The following MECR variants were observed in gnomAD, a reference collection of about 807,000 sequenced individuals.
MECR encodes the protein mitochondrial trans-2-enoyl-CoA reductase.
MECR carries 37 observed loss-of-function variants against 49.1 expected under a neutral mutation model. The ratio of observed to expected loss-of-function variants is 0.75; its 90% confidence interval spans 0.58 to 0.99. The LOEUF is 0.99. MECR is among the 50% of genes least tolerant of loss of function. The probability of loss-of-function intolerance (pLI) is 0.00; values close to 1 mark genes in which losing one functional copy is unlikely to be tolerated. For missense variants in MECR, 470 were observed against 479.6 expected, an observed-to-expected ratio of 0.98 and a Z score of 0.19; for synonymous variants, 198 against 191.1, an observed-to-expected ratio of 1.04 and a Z score of -0.30.
chr1:29,193,808 G>C lies in MECR; in HGVS notation c.*214C>G, dbSNP rs1673313995. ...AGTGTTGGTCCTTCTCGACAGGGAT[G>C]ACTTCTACTTTTTGGAAGGGAGAGT... On this transcript the variant is annotated 3_prime_UTR_variant, in exon 10 of 10. Transcript: ENST00000263702. 2 of 580,398 alleles carry C rather than the reference G, an allele frequency of 3.4e-6. No homozygotes were observed. Among genetic ancestry groups the C allele is most frequent in the Non-Finnish European group, 6.1e-6 (2 of 329,136 alleles). The allele number at this position is 580,398 out of a possible 1,614,324, so 36.0% of individuals were successfully genotyped here. A position where few individuals can be genotyped will look rare whatever the true frequency, so the allele number is the denominator to read the frequency against.
intron 3 of MECR, among the ~76,000 whole-genome samples, chr1:29,215,064 A>G (rs1302163089): frequency 3.9e-5 from 6 of 152,164 alleles, no homozygotes. Flanking sequence ...CCCAGGCTGG[A>G]GTGCAATGGT....
chr1:29,177,470 A>G, the MECR span, among the ~76,000 whole-genome samples: 1 of 152,006 alleles, frequency 6.6e-6, no homozygotes, highest in African/African-American at 2.4e-5. Context: ...TAGTAGAGAC[A>G]GGGGTTTCTC....
intron 6 of MECR, among the ~76,000 whole-genome samples, chr1:29,200,841 T>A (rs1426973938): frequency 2.0e-5 from 3 of 152,136 alleles, no homozygotes; most frequent in African/African-American, 4.8e-5. Context: ...CAGGCTGGAG[T>A]GCAGTGGTGC....
chr1:29,186,583 T>G, the MECR span, among the ~76,000 whole-genome samples: 1 of 152,238 alleles, frequency 6.6e-6, no homozygotes, highest in African/African-American at 2.4e-5. Flanking sequence ...AAATACTTAT[T>G]GAATGAATAC....
At chr1:29,180,411 CAGAA>C in the MECR span, among the ~76,000 whole-genome samples, 7 of 152,202 alleles carry the variant, frequency 4.6e-5, no homozygotes, top group Non-Finnish European at 8.8e-5. Flanking sequence ...AAGACGTCCT[CAGAA>C]AGAAAACGAT....
the MECR span, chr1:29,172,710 CACTG>C: frequency 6.6e-6 from 1 of 152,134 alleles, no homozygotes. Context: ...TGGTTATATG[CACTG>C]AGATACTTGA....
chr1:29,220,089 G>A (rs1020969855), intron 1 of MECR, among the ~76,000 whole-genome samples: 1 of 152,066 alleles, frequency 6.6e-6, no homozygotes, highest in Admixed American at 6.5e-5. Context: ...GTGAGAAAAT[G>A]TGGCATAACT....
chr1:29,188,677 T>A (rs913194589), downstream of MECR, among the ~76,000 whole-genome samples: 2 of 151,956 alleles, frequency 1.3e-5, no homozygotes, highest in African/African-American at 4.8e-5. Context: ...TTCACTCTTG[T>A]TGCCCAGGAT....
At chr1:29,213,532 G>A (rs1304956965) in intron 3 of MECR, among the ~76,000 whole-genome samples, 1 of 152,248 alleles carries the variant, frequency 6.6e-6, no homozygotes, top group East Asian at 1.9e-4. Context: ...AACCGGAGTG[G>A]CCCTACCCCG....
chr1:29,195,483 C>A (rs568981311), intron 9 of MECR, among the ~76,000 whole-genome samples: 4 of 152,184 alleles, frequency 2.6e-5, no homozygotes, highest in African/African-American at 9.7e-5. Context: ...ACTTTGGGCA[C>A]GCTACTTAAC....
chr1:29,228,647 T>C (rs1008818753), intron 1 of MECR, among the ~76,000 whole-genome samples: 2 of 152,144 alleles, frequency 1.3e-5, no homozygotes, highest in African/African-American at 4.8e-5. Flanking sequence ...AGAGGGAAAT[T>C]ACTGAAGTTC....
rs770734161 is a variant in MECR at position 29,196,286 on chromosome 1, G to T, written c.831-28C>A. The T allele has an allele frequency of 1.9e-6, 3 of 1,595,512 alleles. No homozygotes were observed. The South Asian group carries it at 3.4e-5, about 18-fold the overall frequency. ...GAAAAGTCCAAAGAGAACAAAGAGT[G>T]GATGCAAGGCAGAGACAGAGCCCTT... On this transcript the variant is annotated intron_variant, in intron 7 of 9. Transcript: ENST00000263702.
intron 1 of MECR, chr1:29,230,377 T>C: frequency 4.1e-6 from 1 of 246,030 alleles, no homozygotes; most frequent in South Asian, 4.8e-5. Context: ...CTTGGACGAG[T>C]GATTTTACCT....
At position 29,216,116 on chromosome 1, in the gene MECR, C is replaced by CAG. The variant is rs1199155236; in HGVS notation, c.293_294dup (p.Glu99LeufsTer16). ...TCGTTCCCTCCAACAGCAGGCAGTTCAGGAAGGAATCCGTAGTTTCCTGAG... is the reference window on the plus strand; with the variant it reads ...TCGTTCCCTCCAACAGCAGGCAGTTCAGAGGAAGGAATCCGTAGTTTCCTGAG... On this transcript the variant is annotated frameshift_variant, in exon 3 of 10. Coordinates refer to ENST00000263702, the MANE Select transcript of MECR (RefSeq NM_016011.5). LOFTEE classifies it high-confidence loss of function. 6.2e-7 allele frequency: 1 copy of CAG among 1,613,914 alleles called. No homozygotes were observed. The highest frequency in any genetic ancestry group is 1.3e-5 in the African/African-American group (1 of 74,916).
chr1:29,178,748 A>C, the MECR span, among the ~76,000 whole-genome samples: 1 of 152,146 alleles, frequency 6.6e-6, no homozygotes, highest in East Asian at 1.9e-4. Context: ...AAGCTTACAT[A>C]CGTAGCTAAG....
chr1:29,197,987 T>C (rs184664733), intron 7 of MECR, among the ~76,000 whole-genome samples: 39 of 152,354 alleles, frequency 2.6e-4, no homozygotes, highest in Non-Finnish European at 1.0e-4. Context: ...ACCGGTTTCA[T>C]GGAAGACAAT....
chr1:29,192,052 C>T (rs577861688), downstream of MECR, among the ~76,000 whole-genome samples: 2 of 152,216 alleles, frequency 1.3e-5, 1 homozygote, highest in South Asian at 4.1e-4. Context: ...AGATCGCCCA[C>T]TGCACACCAG....
At chr1:29,212,744 C>T (rs941445493) in intron 3 of MECR, among the ~76,000 whole-genome samples, 2 of 152,168 alleles carry the variant, frequency 1.3e-5, no homozygotes, top group Admixed American at 1.3e-4. Flanking sequence ...CTGCATTGCA[C>T]AAATCCTATC....
the MECR span, among the ~76,000 whole-genome samples, chr1:29,180,215 AAGTT>A: frequency 6.6e-6 from 1 of 152,306 alleles, no homozygotes; most frequent in East Asian, 1.9e-4. Context: ...TTGTCCACAA[AAGTT>A]AGTTATGCTG....
Sources: allele counts gnomAD v4.1 joint callset (sites outside exome capture counted in the v4.1 genomes callset), GRCh38; gene constraint gnomAD v4.1.1; transcripts MANE v1.5; gene names NCBI Gene and HGNC (gene_info 2026-07-23, HGNC 2026-07-21).